ATP5F1B: variants seen among roughly 807,000 people sequenced by gnomAD.
ATP5F1B encodes ATP synthase F(1) complex subunit beta, mitochondrial.
ATP5F1B carries 17 observed loss-of-function variants against 45.9 expected under a neutral mutation model. That is an observed-to-expected ratio of 0.37 (90% CI 0.25 to 0.56). The LOEUF (loss-of-function observed/expected upper bound fraction) is 0.56, where lower values mean the gene tolerates loss of function less well. Among genes scored for constraint, ATP5F1B ranks in the 20% least tolerant of loss-of-function variants. The probability of loss-of-function intolerance (pLI) is 0.80; values close to 1 mark genes in which losing one functional copy is unlikely to be tolerated. For missense variants in ATP5F1B, 387 were observed against 673.2 expected (o/e 0.57, Z 4.70); for synonymous variants, 218 against 256.5 (o/e 0.85, Z 1.43).
intron 5 of ATP5F1B, 122 bp from the exon 6 acceptor site, chr12:56,642,953 G>A: frequency 2.7e-6 from 3 of 1,124,128 alleles, no homozygotes; most frequent in Middle Eastern, 2.8e-4. Context: ...GTTTTTGTGT[G>A]CAAGTTTCTT....
chr12:56,639,892 T>A, intron 8 of ATP5F1B, 88 bp downstream of exon 8: 2 of 1,398,300 alleles, frequency 1.4e-6, no homozygotes, highest in South Asian at 2.6e-5. Context: ...CCAAAACAAA[T>A]CACTAAGAAA....
chr12:56,641,038 G>A (rs996218119), intron 7 of ATP5F1B, among the ~76,000 whole-genome samples: 23 of 149,780 alleles, frequency 1.5e-4, no homozygotes, highest in Non-Finnish European at 1.2e-4. Context: ...AACAGACTCC[G>A]TCTCAAAAAA....
chr12:56,638,313 CAA>C lies in ATP5F1B; in HGVS notation c.*8_*9del. ...GCAAGGAGAGAGACAGTACAGAGGA[CAA>C]AGACCCCTCACGATGAATGCTCTTC... On this transcript the variant is annotated 3_prime_UTR_variant, in exon 10 of 10. Coordinates refer to ENST00000262030, the MANE Select transcript of ATP5F1B (RefSeq NM_001686.4). 6.2e-7 allele frequency: 1 copy of C among 1,611,458 alleles called. No individual in the cohort carries two copies. Among genetic ancestry groups the C allele is most frequent in the South Asian group, 1.1e-5 (1 of 91,014 alleles).
At chr12:56,639,851 C>A (rs1951499029) in intron 8 of ATP5F1B, 129 bp downstream of exon 8, 5 of 873,398 alleles carry the variant, frequency 5.7e-6, no homozygotes, top group Non-Finnish European at 8.9e-6. Flanking sequence ...TTAGCTCTCA[C>A]TAGCAATTGC....
intron 3 of ATP5F1B, 77 bp from the exon 4 acceptor site, chr12:56,644,035 C>A (rs1448419853): frequency 2.0e-6 from 3 of 1,534,462 alleles, no homozygotes; most frequent in Admixed American, 1.9e-5. Flanking sequence ...CCCTCCCTAT[C>A]AACTCTCAAG....
chr12:56,639,421 C>T, intron 8 of ATP5F1B, 114 bp from the exon 9 acceptor site: 1 of 933,210 alleles, frequency 1.1e-6, no homozygotes, highest in East Asian at 2.6e-5. Context: ...TATGAGGGCC[C>T]TCAGCCAAGA....
rs117601020 is a variant in ATP5F1B at position 56,644,379 on chromosome 12, G to A, written c.485+402C>T. On this transcript the variant is annotated intron_variant, in intron 3 of 9. Coordinates refer to ENST00000262030, the MANE Select transcript of ATP5F1B (RefSeq NM_001686.4). ...TCCCAGCACTTTGGGGGGCCGAGGT[G>A]GGGGGGGAATCACCCAAAATCAGGA... Among the ~76,000 whole-genome samples, 105 of 116,934 alleles carry A rather than the reference G, an allele frequency of 9.0e-4. 3 individuals are homozygous for A. The East Asian group carries it at 0.022, about 25-fold the overall frequency. 76.7% of individuals were successfully genotyped at this position (116,934 alleles called of 152,430 possible).
At position 56,643,758 on chromosome 12, in the gene ATP5F1B, G is replaced by A. The variant is rs370423302; in HGVS notation, c.607+79C>T. 29 of 1,592,240 alleles carry A rather than the reference G, an allele frequency of 1.8e-5. No individual in the cohort carries two copies. In the African/African-American group the frequency reaches 2.0e-4, roughly 11 times the overall value. ...ACGTACTCATCAGTGAGGAATAGAT[G>A]TCAATATCCACTCATAACATTGTAT... On this transcript the variant is annotated intron_variant, in intron 4 of 9. Transcript: ENST00000262030.
Position 56,638,339 on chromosome 12 carries a change from T to C in ATP5F1B, c.1574A>G (p.Glu525Gly). 1 of 1,614,052 alleles carries C rather than the reference T, an allele frequency of 6.2e-7. No individual in the cohort carries two copies. The highest frequency in any genetic ancestry group is 8.5e-7 in the Non-Finnish European group (1 of 1,179,960). Residue 525 changes from glutamate (E) to glycine (G), a missense_variant, in exon 10 of 10, where the codon GAA becomes GGA. By Grantham distance (98) the Glu-to-Gly change is moderately conservative (BLOSUM62 -2). This residue lies in a region of ATP5F1B where 36 missense variants were observed against 37.9 expected (regional missense o/e 0.95). Transcript: ENST00000262030. ...EAVAKADKLA[E>G]EHSS is the part of the protein sequence containing the mutation. ...AAAGACCCCTCACGATGAATGCTCT[T>C]CAGCCAGCTTATCAGCTTTTGCCAC...
intron 1 of ATP5F1B, 56 bp from the exon 2 acceptor site, chr12:56,645,409 G>C: frequency 6.5e-7 from 1 of 1,548,564 alleles, no homozygotes; most frequent in East Asian, 2.3e-5. Context: ...AAGGTCATCG[G>C]AAGCCAGGAC....
intron 7 of ATP5F1B, among the ~76,000 whole-genome samples, chr12:56,641,573 ACT>A (rs1351469403): frequency 1.3e-5 from 2 of 151,050 alleles, no homozygotes; most frequent in African/African-American, 4.9e-5. Context: ...ACGGATTATC[ACT>A]CTGCCGCCCA....
intron 9 of ATP5F1B, 95 bp downstream of exon 9, chr12:56,639,011 A>G (rs1331283893): frequency 8.6e-7 from 1 of 1,164,754 alleles, no homozygotes; most frequent in Non-Finnish European, 1.2e-6. Flanking sequence ...ATTAAAAAAT[A>G]TAATTAAGCA....
intron 7 of ATP5F1B, among the ~76,000 whole-genome samples, chr12:56,640,678 G>T (rs1030443902): frequency 1.3e-5 from 2 of 152,118 alleles, no homozygotes; most frequent in African/African-American, 4.8e-5. Context: ...CATGATGGAA[G>T]AATTTTTAGT....
chr12:56,643,985 T>A, intron 3 of ATP5F1B, 27 bp from the exon 4 acceptor site: 1 of 1,608,462 alleles, frequency 6.2e-7, no homozygotes, highest in Non-Finnish European at 8.5e-7. Context: ...GAGGATAGTA[T>A]CTATTCACCT....
In ATP5F1B at chr12:56,638,439, GAA is replaced by G. The variant is rs754432588; in HGVS notation, c.1490-18_1490-17del. The stretch of plus-strand genomic sequence containing the variant: ...TCATATTCACCTGTATGATGGGGGA[GAA>G]AAAAAAAAAGAGTAAGAAGCGGAGG... On this transcript the variant is annotated splice_polypyrimidine_tract_variant and intron_variant, in intron 9 of 9. Transcript: ENST00000262030. 1.1e-4 allele frequency: 128 copies of G among 1,199,514 alleles called. No individual in the cohort carries two copies. Among genetic ancestry groups the G allele is most frequent in the Admixed American group, 1.6e-4 (7 of 42,964 alleles). The allele number at this position is 1,199,514 out of a possible 1,614,324, so 74.3% of individuals were successfully genotyped here.
Position 56,638,399 on chromosome 12 carries a change from T to C in ATP5F1B, c.1514A>G (p.Gln505Arg), listed in dbSNP as rs768469953. The part of the protein sequence containing the change: ...LAGEYDHLPE[Q>R]AFYMVGPIEE... Reference sequence around the variant, plus strand: ...AATGGGTCCCACCATATAGAAGGCCTGTTCTGGGAGATGGTCATATTCACC... The same window carrying C: ...AATGGGTCCCACCATATAGAAGGCCCGTTCTGGGAGATGGTCATATTCACC... Residue 505 changes from glutamine to arginine, a missense_variant, in exon 10 of 10, where the codon CAG becomes CGG. Gln to Arg is a conservative substitution (Grantham distance 43). Coordinates refer to ENST00000262030, the MANE Select transcript of ATP5F1B (RefSeq NM_001686.4). 24 of 1,613,388 alleles carry C rather than the reference T, an allele frequency of 1.5e-5. No homozygotes were observed. Among genetic ancestry groups the C allele is most frequent in the Non-Finnish European group, 9.3e-6 (11 of 1,179,816 alleles).
At chr12:56,640,228 T>G in intron 7 of ATP5F1B, 36 bp from the exon 8 acceptor site, 1 of 1,519,946 alleles carries the variant, frequency 6.6e-7, no homozygotes, top group Non-Finnish European at 8.9e-7. Context: ...GGAACCAAAG[T>G]AAATTTTTTT....
intron 7 of ATP5F1B, among the ~76,000 whole-genome samples, chr12:56,640,746 T>A (rs954855147): frequency 6.6e-6 from 1 of 151,682 alleles, no homozygotes; most frequent in Admixed American, 6.6e-5. Flanking sequence ...ACTTTTAGAA[T>A]TAAAAACAAG....
chr12:56,643,011 T>C (rs1951523832), intron 5 of ATP5F1B, 180 bp from the exon 6 acceptor site: 2 of 656,004 alleles, frequency 3.0e-6, no homozygotes, highest in Non-Finnish European at 5.0e-6. Context: ...CTTCTTATAT[T>C]AGTAAGGCAA....
Sources: allele counts gnomAD v4.1 joint callset (sites outside exome capture counted in the v4.1 genomes callset), GRCh38; gene constraint gnomAD v4.1.1; regional missense constraint gnomAD v4.1.1; transcripts MANE v1.5; gene names NCBI Gene and HGNC (gene_info 2026-07-23, HGNC 2026-07-21).